Variants in TBXAS1 observed in about 807,000 individuals in gnomAD.
The protein encoded by TBXAS1 is thromboxane A synthase 1, also known as thromboxane-A synthase.
A neutral mutation model predicts 60.7 loss-of-function variants in TBXAS1; 48 were observed. That is an observed-to-expected ratio of 0.79 (90% CI 0.63 to 1.01). The LOEUF is 1.01. Among genes scored for constraint, TBXAS1 ranks in the 50% least tolerant of loss-of-function variants. The pLI, the probability that TBXAS1 is intolerant of heterozygous loss-of-function variation, is 0.00. For synonymous variants in TBXAS1, 287 were observed against 269.7 expected (o/e 1.06, Z -0.63); for missense variants, 685 against 686.3 (o/e 1.00, Z 0.02).
At chr7:139,966,741 G>C (rs1810820103) in intron 9 of TBXAS1, among the ~76,000 whole-genome samples, 1 of 152,222 alleles carries the variant, frequency 6.6e-6, no homozygotes, top group Non-Finnish European at 1.5e-5. Context: ...GTCCAGGCCA[G>C]TCTGGCCCAG....
chr7:139,936,135 A>G lies in TBXAS1; in HGVS notation c.334-56A>G. 6 of 1,569,688 alleles carry G rather than the reference A, an allele frequency of 3.8e-6. No individual in the cohort carries two copies. The South Asian group carries it at 6.7e-5, about 17-fold the overall frequency. On this transcript the variant is annotated intron_variant, in intron 4 of 12. Coordinates refer to ENST00000448866, the MANE Select transcript of TBXAS1 (RefSeq NM_001061.7). ...GTGTTTGTCATGGACCTGTATTGCC[A>G]CCAAGGTGGCTTTGGCTCCCTGAGT...
intron 1 of TBXAS1, among the ~76,000 whole-genome samples, chr7:139,858,609 G>A (rs562197147): frequency 9.2e-5 from 14 of 152,304 alleles, no homozygotes; most frequent in African/African-American, 3.4e-4. Flanking sequence ...GGTCCCTGCA[G>A]CATCCTGGTA....
rs540834903 is a variant in TBXAS1 at position 139,904,645 on chromosome 7, T to C, written c.237-6580T>C. ...TTTCAGCAGTGTTTTGTAGTTTTCC[T>C]TGTAGAGTTCTTTCCACTCCTTGGT... is the stretch of plus-strand genomic sequence containing the variant. On this transcript the variant is annotated intron_variant, in intron 3 of 12. Transcript: ENST00000448866. 1.4e-4 allele frequency among the ~76,000 whole-genome samples: 22 copies of C among 152,340 alleles called. No individual in the cohort carries two copies. In the South Asian group the frequency reaches 4.4e-3, roughly 30 times the overall value.
At chr7:139,815,155 A>T (rs1245076894) in intron 4 of TBXAS1, among the ~76,000 whole-genome samples, 4 of 152,260 alleles carry the variant, frequency 2.6e-5, no homozygotes, top group Non-Finnish European at 4.4e-5. Flanking sequence ...AACCAACATT[A>T]GGACTGTGAG....
At position 139,950,893 on chromosome 7, in the gene TBXAS1, A is replaced by ACCCCCTCGCCCTCCATCTACG. The variant is rs1569518180; in HGVS notation, c.451-2475_451-2474insCCCCCTCGCCCTCCATCTACG. On this transcript the variant is annotated intron_variant, in intron 5 of 12. Coordinates refer to ENST00000448866, the MANE Select transcript of TBXAS1 (RefSeq NM_001061.7). ...CGGGACCCCCTCGCCCTCCATCTAC[A>ACCCCCTCGCCCTCCATCTACG]GGACCCACTCCTTCAGCAGAGGAGT... 7.4e-4 allele frequency among the ~76,000 whole-genome samples: 85 copies of ACCCCCTCGCCCTCCATCTACG among 114,182 alleles called. 37 individuals carry two copies. The highest frequency in any genetic ancestry group is 1.3e-3 in the Admixed American group (15 of 11,308). 74.9% of individuals were successfully genotyped at this position (114,182 alleles called of 152,430 possible).
intron 3 of TBXAS1, chr7:139,905,952 T>C (rs1026704225): frequency 1.3e-5 from 2 of 157,596 alleles, no homozygotes; most frequent in African/African-American, 4.8e-5. Context: ...TTTTTTTACT[T>C]TTCTAAAAGT....
intron 12 of TBXAS1, 101 bp downstream of exon 12, chr7:140,017,934 C>T (rs1815228415): frequency 1.3e-6 from 2 of 1,533,318 alleles, no homozygotes. Flanking sequence ...ACATCAGGCT[C>T]TGCCTCCGTG....
chr7:139,915,159 C>T (rs1459583533), intron 4 of TBXAS1, among the ~76,000 whole-genome samples: 1 of 152,150 alleles, frequency 6.6e-6, no homozygotes, highest in African/African-American at 2.4e-5. Flanking sequence ...TAAAACAACC[C>T]TTAGTGACTC....
intron 3 of TBXAS1, among the ~76,000 whole-genome samples, chr7:139,882,720 C>G (rs981688192): frequency 6.6e-6 from 1 of 152,222 alleles, no homozygotes; most frequent in Non-Finnish European, 1.5e-5. Flanking sequence ...TGAGGCCAAA[C>G]TGTGGGCAAT....
chr7:139,947,024 C>A (rs576960476), intron 5 of TBXAS1, among the ~76,000 whole-genome samples: 1 of 152,304 alleles, frequency 6.6e-6, no homozygotes, highest in African/African-American at 2.4e-5. Context: ...AGCAGAAGCT[C>A]TCAGCCCTTC....
intron 3 of TBXAS1, among the ~76,000 whole-genome samples, chr7:139,881,815 G>T (rs1215624001): frequency 1.3e-5 from 2 of 152,184 alleles, no homozygotes; most frequent in East Asian, 1.9e-4. Flanking sequence ...CACCACAGGA[G>T]GGGGAGGTGT....
upstream of TBXAS1, among the ~76,000 whole-genome samples, chr7:139,828,966 T>G (rs1296070970): frequency 6.6e-6 from 1 of 152,194 alleles, no homozygotes; most frequent in East Asian, 1.9e-4. Context: ...TGGATGTAGA[T>G]ATAGATATAG....
chr7:139,984,810 GAA>G (rs1491245337), intron 9 of TBXAS1, among the ~76,000 whole-genome samples: 4 of 126,884 alleles, frequency 3.2e-5, no homozygotes, highest in African/African-American at 1.2e-4. Context: ...AAGGGGGAAA[GAA>G]AGAAAAGAAG....
intron 1 of TBXAS1, among the ~76,000 whole-genome samples, chr7:139,847,038 G>A (rs1170247218): frequency 1.3e-5 from 2 of 152,046 alleles, no homozygotes; most frequent in African/African-American, 4.8e-5. Flanking sequence ...GAGGGTTTGT[G>A]AGCAATAAAC....
intron 4 of TBXAS1, among the ~76,000 whole-genome samples, chr7:139,915,526 C>T (rs1416322977): frequency 6.6e-6 from 1 of 152,208 alleles, no homozygotes; most frequent in African/African-American, 2.4e-5. Context: ...CTCTCATTCT[C>T]CAACAGGGAG....
intron 7 of TBXAS1, among the ~76,000 whole-genome samples, chr7:139,957,239 A>G (rs1286518558): frequency 1.3e-5 from 2 of 152,234 alleles, no homozygotes; most frequent in Middle Eastern, 3.2e-3. Context: ...AAAGTTTGTA[A>G]AAAGTAAATC....
Position 140,014,915 on chromosome 7 carries a change from A to AAAAAAAAAAAG in TBXAS1, c.1227-806_1227-805insAAAAAAAAGAA, listed in dbSNP as rs1399908570. On this transcript the variant is annotated intron_variant, in intron 10 of 12. Coordinates refer to ENST00000448866, the MANE Select transcript of TBXAS1 (RefSeq NM_001061.7). Reference sequence around the variant, plus strand: ...CAGAGCAAGACCCTGTCTCAAAAAAAAAGAAGAAGAAGAAAGAAGGAGGAG... The same window carrying AAAAAAAAAAAG: ...CAGAGCAAGACCCTGTCTCAAAAAAAAAAAAAAAAAGAAGAAGAAGAAGAAAGAAGGAGGAG... Among the ~76,000 whole-genome samples, 67 of 151,490 alleles carry AAAAAAAAAAAG rather than the reference A, an allele frequency of 4.4e-4. 1 individual carries two copies. The highest frequency in any genetic ancestry group is 2.1e-3 in the Admixed American group (32 of 15,242).
chr7:139,862,494 G>T (rs1182276468), intron 1 of TBXAS1, among the ~76,000 whole-genome samples: 1 of 152,204 alleles, frequency 6.6e-6, no homozygotes, highest in Non-Finnish European at 1.5e-5. Context: ...TGGAGTGGGG[G>T]GAGGAGAGAC....
At chr7:139,864,119 AAG>A (rs1801173896) in intron 1 of TBXAS1, among the ~76,000 whole-genome samples, 1 of 152,196 alleles carries the variant, frequency 6.6e-6, no homozygotes, top group African/African-American at 2.4e-5. Context: ...ATTAAAAAGA[AAG>A]AGAATGGACT....
Sources: allele counts gnomAD v4.1 joint callset (sites outside exome capture counted in the v4.1 genomes callset), GRCh38; gene constraint gnomAD v4.1.1; transcripts MANE v1.5; gene names NCBI Gene and HGNC (gene_info 2026-07-23, HGNC 2026-07-21).